FBXO8: variants seen among roughly 807,000 people sequenced by gnomAD.
FBXO8 encodes F-box only protein 8.
FBXO8 carries 15 observed loss-of-function variants against 33.4 expected under a neutral mutation model. The ratio of observed to expected loss-of-function variants is 0.45; its 90% CI spans 0.30 to 0.69. FBXO8 has a LOEUF of 0.69. FBXO8 is among the 30% of genes least tolerant of loss of function. The pLI is 0.08. For missense variants in FBXO8, 274 were observed against 380.3 expected, an observed-to-expected ratio of 0.72 and a Z score of 2.32; for synonymous variants, 132 against 131.5, an observed-to-expected ratio of 1.00 and a Z score of -0.02.
intron 3 of FBXO8, among the ~76,000 whole-genome samples, chr4:174,243,114 C>T (rs1047221127): frequency 4.6e-5 from 7 of 151,520 alleles, no homozygotes; most frequent in African/African-American, 1.5e-4. Context: ...TATAAATTAA[C>T]ACTGGTATTT....
intron 4 of FBXO8, among the ~76,000 whole-genome samples, chr4:174,239,949 A>G (rs1455140194): frequency 2.0e-5 from 3 of 151,756 alleles, no homozygotes; most frequent in Non-Finnish European, 4.4e-5. Flanking sequence ...CCAATTGCAT[A>G]TAACAGGAAC....
intron 1 of FBXO8, among the ~76,000 whole-genome samples, chr4:174,271,266 A>C (rs1242017874): frequency 6.6e-6 from 1 of 152,222 alleles, no homozygotes; most frequent in African/African-American, 2.4e-5. Flanking sequence ...CTGCAATCGT[A>C]TGGAGAGGGA....
rs1314978880 is a variant in FBXO8 at position 174,236,738 on chromosome 4, G to A, written c.*674C>T. 1 of 151,694 alleles carries A rather than the reference G, an allele frequency of 6.6e-6. No individual in the cohort carries two copies. The highest frequency in any genetic ancestry group is 2.4e-5 in the African/African-American group (1 of 41,284). 9.4% of individuals were successfully genotyped at this position (151,694 alleles called of 1,614,324 possible). ...TTTGATGTTTTAAAAATCCTAAATG[G>A]TTTAAAGGACTTACCGAGACTTGAT... On this transcript the variant is annotated 3_prime_UTR_variant, in exon 6 of 6. Transcript: ENST00000393674.
chr4:174,264,630 G>A (rs1736645750), intron 1 of FBXO8, among the ~76,000 whole-genome samples: 1 of 151,952 alleles, frequency 6.6e-6, no homozygotes. Context: ...AGCTATACAG[G>A]TATGGTGGGG....
intron 4 of FBXO8, among the ~76,000 whole-genome samples, chr4:174,239,881 T>G (rs1283105509): frequency 6.6e-6 from 1 of 151,748 alleles, no homozygotes; most frequent in Non-Finnish European, 1.5e-5. Flanking sequence ...TTTGTTACAA[T>G]GTCCTTCAAT....
In FBXO8 at chr4:174,255,331, A is replaced by T. The variant is rs778142293; in HGVS notation, c.456+4368T>A. Among the ~76,000 whole-genome samples the T allele has an allele frequency of 4.6e-5, 7 of 152,190 alleles. No individual in the cohort carries two copies. The highest frequency in any genetic ancestry group is 1.0e-4 in the Non-Finnish European group (7 of 68,020). ...GTCATTAACATATATCTGAGATACT[A>T]TTTTTAAGAACTGAATGTAAATTCC... On this transcript the variant is annotated intron_variant, in intron 3 of 5. Coordinates refer to ENST00000393674, the MANE Select transcript of FBXO8 (RefSeq NM_012180.3). This position sits in a 1 kb window ranked among gnomAD's most constrained non-coding sequence, Gnocchi z 4.3.
chr4:174,263,118 T>C lies in FBXO8; in HGVS notation c.-8-18A>G, dbSNP rs1332008475. ...CTGCAAGCCTGGGAAAAAGCCAGAA[T>C]GTAATAAGGGTGACATTTAAAAAGT... On this transcript the variant is annotated intron_variant, in intron 1 of 5. Coordinates refer to ENST00000393674, the MANE Select transcript of FBXO8 (RefSeq NM_012180.3). This position sits in a 1 kb window ranked among gnomAD's most constrained non-coding sequence, Gnocchi z 4.2. The C allele has an allele frequency of 6.2e-7, 1 of 1,604,438 alleles. No individual in the cohort carries two copies. The highest frequency in any genetic ancestry group is 2.2e-5 in the East Asian group (1 of 44,670).
In FBXO8 at chr4:174,277,125, T is replaced by C. The variant is rs1370003438; in HGVS notation, c.-9+6285A>G. Among the ~76,000 whole-genome samples, 2 of 152,144 alleles carry C rather than the reference T, an allele frequency of 1.3e-5. No individual in the cohort carries two copies. The highest frequency in any genetic ancestry group is 1.5e-5 in the Non-Finnish European group (1 of 67,978). ...AAAGCAGTACAAACTATGGATTAAC[T>C]ACAAATAATTACACATTTATTAAAA... On this transcript the variant is annotated intron_variant, in intron 1 of 5. Transcript: ENST00000393674. The surrounding 1 kb of genome is among the most constrained non-coding windows in gnomAD (Gnocchi z 4.9).
chr4:174,273,803 A>G (rs1458910312), intron 1 of FBXO8, among the ~76,000 whole-genome samples: 1 of 152,174 alleles, frequency 6.6e-6, no homozygotes, highest in Non-Finnish European at 1.5e-5. Flanking sequence ...CAGGCATGTA[A>G]ATTTGAAAAA....
At position 174,262,746 on chromosome 4, in the gene FBXO8, T is replaced by G; in HGVS notation, c.329+18A>C. The G allele has an allele frequency of 3.1e-6, 5 of 1,605,952 alleles. No homozygotes were observed. The highest frequency in any genetic ancestry group is 4.3e-6 in the Non-Finnish European group (5 of 1,173,450). Reference sequence around the variant, plus strand: ...TGTTTAGAGATACCTGAATTCAACTTTGGTGGGTTTAACTTACCCTTGCCA... The same window carrying G: ...TGTTTAGAGATACCTGAATTCAACTGTGGTGGGTTTAACTTACCCTTGCCA... On this transcript the variant is annotated intron_variant, in intron 2 of 5. Transcript: ENST00000393674. This position sits in a 1 kb window ranked among gnomAD's most constrained non-coding sequence, Gnocchi z 4.6.
rs1736484978 is a variant in FBXO8 at position 174,259,172 on chromosome 4, T to C, written c.456+527A>G. Among the ~76,000 whole-genome samples the C allele has an allele frequency of 6.6e-6, 1 of 152,030 alleles. No individual in the cohort carries two copies. Among genetic ancestry groups the C allele is most frequent in the Non-Finnish European group, 1.5e-5 (1 of 67,914 alleles). ...TGTTAAGAAAGAATTAAATAATTAA[T>C]ACAAAATTATTCAATTTTATAACAA... is the stretch of plus-strand genomic sequence containing the variant. On this transcript the variant is annotated intron_variant, in intron 3 of 5. Transcript: ENST00000393674. This position sits in a 1 kb window ranked among gnomAD's most constrained non-coding sequence, Gnocchi z 4.3.
rs776813771 is a variant in FBXO8, at chr4:174,262,590, G to A, written c.329+174C>T. 1.3e-5 allele frequency among the ~76,000 whole-genome samples: 2 copies of A among 152,114 alleles called. No homozygotes were observed. Among genetic ancestry groups the A allele is most frequent in the Non-Finnish European group, 2.9e-5 (2 of 68,020 alleles). On this transcript the variant is annotated intron_variant, in intron 2 of 5. Coordinates refer to ENST00000393674, the MANE Select transcript of FBXO8 (RefSeq NM_012180.3). This position sits in a 1 kb window ranked among gnomAD's most constrained non-coding sequence, Gnocchi z 4.6. ...TTTTCTATTGTCCTCCTTTTCACAA[G>A]ATCAAATTTGACTGTGATGCTAACT...
rs547779059 is a variant in FBXO8 at position 174,280,556 on chromosome 4, T to A, written c.-9+2854A>T. ...TTCACCCATGTTCATAGCAGCATTA[T>A]TCACAACAGCTAAAACATGGAAGCA... On this transcript the variant is annotated intron_variant, in intron 1 of 5. Coordinates refer to ENST00000393674, the MANE Select transcript of FBXO8 (RefSeq NM_012180.3). 3.9e-5 allele frequency among the ~76,000 whole-genome samples: 6 copies of A among 152,298 alleles called. No individual in the cohort carries two copies. The East Asian group carries it at 1.2e-3, about 29-fold the overall frequency.
At position 174,237,630 on chromosome 4, in the gene FBXO8, T is replaced by C. The variant is rs1271667262; in HGVS notation, c.773-31A>G. 1 of 1,549,426 alleles carries C rather than the reference T, an allele frequency of 6.5e-7. No homozygotes were observed. Among genetic ancestry groups the C allele is most frequent in the Non-Finnish European group, 8.8e-7 (1 of 1,139,686 alleles). On this transcript the variant is annotated intron_variant, in intron 5 of 5. Transcript: ENST00000393674. This position sits in a 1 kb window ranked among gnomAD's most constrained non-coding sequence, Gnocchi z 4.4. Reference sequence around the variant, plus strand: ...AAGAAAAAGAAACAGTTCAAATTATTAGTTGGTTTACAAAATATGATTCCA... The same window carrying C: ...AAGAAAAAGAAACAGTTCAAATTATCAGTTGGTTTACAAAATATGATTCCA...
At chr4:174,248,625 G>C (rs1017206979) in intron 3 of FBXO8, among the ~76,000 whole-genome samples, 4 of 152,068 alleles carry the variant, frequency 2.6e-5, no homozygotes, top group African/African-American at 9.7e-5. Context: ...CCTGTAGCCA[G>C]TTTTCTCAGT....
chr4:174,268,781 AAAT>A (rs1311012583), intron 1 of FBXO8, among the ~76,000 whole-genome samples: 1 of 152,206 alleles, frequency 6.6e-6, no homozygotes, highest in Admixed American at 6.5e-5. Context: ...AGCATGTGGG[AAAT>A]GTGGCATTAA....
chr4:174,282,962 A>G (rs745582147), intron 1 of FBXO8, among the ~76,000 whole-genome samples: 1 of 152,226 alleles, frequency 6.6e-6, no homozygotes, highest in Non-Finnish European at 1.5e-5. Flanking sequence ...CTACTGTAGC[A>G]GCTAGCAATC....
chr4:174,259,743 G>C lies in FBXO8; in HGVS notation c.412C>G (p.Gln138Glu). 2 of 1,611,898 alleles carry C rather than the reference G, an allele frequency of 1.2e-6. No homozygotes were observed. Among genetic ancestry groups the C allele is most frequent in the Middle Eastern group, 1.7e-4 (1 of 6,054 alleles). Residue 138 changes from glutamine (Q) to glutamate (E), a missense_variant, in exon 3 of 6, where the codon CAG becomes GAG. Gln to Glu is a conservative substitution (Grantham distance 29, BLOSUM62 2). This residue lies in a region of FBXO8 where 186 missense variants were observed against 293.4 expected (regional missense o/e 0.63). Transcript: ENST00000393674. The surrounding 1 kb of genome is among the most constrained non-coding windows in gnomAD (Gnocchi z 4.3). ...LGFSFRKLYM[Q>E]LDEGSLTFNA... is the part of the protein sequence containing the mutation. ...AAGGTGAGGCTGCCTTCATCCAGCT[G>C]CATATACAATTTTCTAAAAGAAAAT...
At position 174,277,007 on chromosome 4, in the gene FBXO8, A is replaced by G. The variant is rs1273229611; in HGVS notation, c.-9+6403T>C. Among the ~76,000 whole-genome samples the G allele has an allele frequency of 6.6e-6, 1 of 152,198 alleles. No individual in the cohort carries two copies. Among genetic ancestry groups the G allele is most frequent in the East Asian group, 1.9e-4 (1 of 5,194 alleles). ...AGTATGTAGTTTCTGAAACAGCTAT[A>G]TTGTTCTGACATAATTTTGGATGTA... On this transcript the variant is annotated intron_variant, in intron 1 of 5. Coordinates refer to ENST00000393674, the MANE Select transcript of FBXO8 (RefSeq NM_012180.3). This position sits in a 1 kb window ranked among gnomAD's most constrained non-coding sequence, Gnocchi z 4.9.
Sources: gnomAD v4.1 joint callset for allele counts (sites outside exome capture counted in the v4.1 genomes callset) on GRCh38, gnomAD v4.1.1 for gene constraint, gnomAD v4.1.1 regional missense constraint, Gnocchi (gnomAD v3.1) non-coding constraint, MANE v1.5 for transcripts, NCBI Gene and HGNC (gene_info 2026-07-23, HGNC 2026-07-21) for gene names.